GPC5: variants seen among roughly 807,000 people sequenced by gnomAD.
GPC5 encodes the protein glypican-5.
In GPC5, 47 loss-of-function variants were observed where a neutral mutation model predicts 53.9. The ratio of observed to expected loss-of-function variants is 0.87; its 90% confidence interval spans 0.69 to 1.11. GPC5 has a LOEUF of 1.11. Among genes scored for constraint, GPC5 ranks in the 50% most tolerant of loss-of-function variants. GPC5 has a pLI of 0.00. For synonymous variants in GPC5, 286 were observed against 263.3 expected (o/e 1.09, Z -0.84); for missense variants, 748 against 713.1 (o/e 1.05, Z -0.56).
chr13:92,577,822 T>C (rs552573961), intron 7 of GPC5, among the ~76,000 whole-genome samples: 7 of 152,200 alleles, frequency 4.6e-5, no homozygotes, highest in African/African-American at 1.7e-4. Flanking sequence ...TGCAAGAGAT[T>C]GGTCTGGTTA....
chr13:92,502,903 A>G (rs1435683235), intron 7 of GPC5, among the ~76,000 whole-genome samples: 2 of 152,018 alleles, frequency 1.3e-5, no homozygotes, highest in Non-Finnish European at 1.5e-5. Flanking sequence ...TTTCCCATAT[A>G]CACAAGGAAC....
At chr13:92,487,467 T>C (rs1159913310) in intron 7 of GPC5, among the ~76,000 whole-genome samples, 1 of 152,194 alleles carries the variant, frequency 6.6e-6, no homozygotes, top group East Asian at 1.9e-4. Flanking sequence ...ATGTACCATG[T>C]GCCTTTTGAG....
intron 7 of GPC5, among the ~76,000 whole-genome samples, chr13:92,512,462 T>C (rs1880609226): frequency 6.6e-6 from 1 of 152,116 alleles, no homozygotes; most frequent in Non-Finnish European, 1.5e-5. Flanking sequence ...ATAAAATATA[T>C]CTTACAATTA....
intron 6 of GPC5, among the ~76,000 whole-genome samples, chr13:92,114,258 G>A (rs559376577): frequency 9.5e-4 from 145 of 152,282 alleles, no homozygotes; most frequent in African/African-American, 3.2e-3. Flanking sequence ...CACCCCACGT[G>A]TGATTCCCCA....
chr13:92,627,335 G>A (rs1885079985), intron 7 of GPC5, among the ~76,000 whole-genome samples: 1 of 152,200 alleles, frequency 6.6e-6, no homozygotes, highest in Non-Finnish European at 1.5e-5. Context: ...TACTCAGCGT[G>A]GCAGCTATAG....
intron 5 of GPC5, among the ~76,000 whole-genome samples, chr13:91,819,474 TAGC>T (rs373338539): frequency 6.6e-6 from 1 of 152,222 alleles, no homozygotes; most frequent in African/African-American, 2.4e-5. Flanking sequence ...CTTTCTTAAA[TAGC>T]AGAGTTTTGC....
Position 92,691,174 on chromosome 13 carries a change from C to A in GPC5, c.1562-175108C>A, listed in dbSNP as rs530317271. 3.2e-4 allele frequency among the ~76,000 whole-genome samples: 33 copies of A among 101,694 alleles called. 4 individuals carry two copies. The highest frequency in any genetic ancestry group is 8.5e-4 in the Admixed American group (7 of 8,206). The allele number at this position is 101,694 out of a possible 152,430, so 66.7% of individuals were successfully genotyped here. ...GGTGCCCCTCCCCCAGCCTCGTTGC[C>A]GCCTTGCAGTTTGATCTCAGACTGC... On this transcript the variant is annotated intron_variant, in intron 7 of 7. Transcript: ENST00000377067.
chr13:92,652,979 T>C (rs1886005554), intron 7 of GPC5, among the ~76,000 whole-genome samples: 1 of 152,122 alleles, frequency 6.6e-6, no homozygotes, highest in Admixed American at 6.6e-5. Context: ...TGCACAAGAA[T>C]GTGAGTTTGT....
intron 6 of GPC5, among the ~76,000 whole-genome samples, chr13:91,959,772 G>A (rs2139073124): frequency 6.6e-6 from 1 of 152,044 alleles, no homozygotes; most frequent in South Asian, 2.1e-4. Flanking sequence ...GATTGAGTGG[G>A]ATTTTCCCAG....
intron 7 of GPC5, among the ~76,000 whole-genome samples, chr13:92,840,119 A>C (rs528330837): frequency 9.0e-6 from 1 of 111,344 alleles, no homozygotes; most frequent in Admixed American, 9.5e-5. Context: ...ATATATATAT[A>C]TATATGAGTA....
chr13:91,524,862 C>A (rs1476570620), intron 2 of GPC5, among the ~76,000 whole-genome samples: 3 of 152,154 alleles, frequency 2.0e-5, no homozygotes, highest in South Asian at 4.1e-4. Context: ...TTCCCATTTT[C>A]TTTATAAAGG....
chr13:92,537,028 T>C (rs1881747479), intron 7 of GPC5, among the ~76,000 whole-genome samples: 1 of 152,068 alleles, frequency 6.6e-6, no homozygotes, highest in South Asian at 2.1e-4. Context: ...AAGGTTTATA[T>C]CTCCTTGTTT....
intron 3 of GPC5, among the ~76,000 whole-genome samples, chr13:91,705,021 T>A (rs1170704891): frequency 6.6e-6 from 1 of 152,228 alleles, no homozygotes; most frequent in Non-Finnish European, 1.5e-5. Flanking sequence ...CTTCTTGGTC[T>A]TGTGTCTGGC....
intron 7 of GPC5, among the ~76,000 whole-genome samples, chr13:92,276,068 T>G (rs2139161642): frequency 6.6e-6 from 1 of 152,158 alleles, no homozygotes; most frequent in Middle Eastern, 3.4e-3. Context: ...GCTGTCAACT[T>G]GATTGGGAAG....
chr13:92,188,366 A>G, intron 7 of GPC5, among the ~76,000 whole-genome samples: 1 of 152,216 alleles, frequency 6.6e-6, no homozygotes, highest in East Asian at 1.9e-4. Context: ...CTAAAAGCAC[A>G]AGCACTCAAT....
intron 6 of GPC5, among the ~76,000 whole-genome samples, chr13:91,960,408 T>C (rs1318327218): frequency 6.6e-6 from 1 of 151,918 alleles, no homozygotes; most frequent in Non-Finnish European, 1.5e-5. Context: ...CACAAAACAC[T>C]GATAAAGGAA....
At chr13:92,230,891 C>T (rs972102334) in intron 7 of GPC5, among the ~76,000 whole-genome samples, 1 of 152,020 alleles carries the variant, frequency 6.6e-6, no homozygotes, top group Non-Finnish European at 1.5e-5. Context: ...AAATTAATTA[C>T]CATATAATTC....
intron 6 of GPC5, among the ~76,000 whole-genome samples, chr13:91,950,470 T>A (rs1216679795): frequency 6.6e-6 from 1 of 151,940 alleles, no homozygotes; most frequent in Admixed American, 6.6e-5. Context: ...TACTCTACCT[T>A]CTGTGCTGTC....
chr13:92,543,816 C>A (rs138897523), intron 7 of GPC5, among the ~76,000 whole-genome samples: 3 of 152,086 alleles, frequency 2.0e-5, no homozygotes, highest in Middle Eastern at 3.4e-3. Context: ...TTAAAATTGA[C>A]AAACGTTTAA....
Sources: gnomAD v4.1 joint callset for allele counts (sites outside exome capture counted in the v4.1 genomes callset) on GRCh38, gnomAD v4.1.1 for gene constraint, MANE v1.5 for transcripts, NCBI Gene and HGNC (gene_info 2026-07-23, HGNC 2026-07-21) for gene names.